The following PGM5 variants were observed in gnomAD, a reference collection of about 807,000 sequenced individuals.
PGM5 encodes phosphoglucomutase-like protein 5.
Under a neutral mutation model 59.2 loss-of-function variants are expected in PGM5, and 23 were observed. The observed-to-expected ratio is 0.39, with a 90% CI of 0.28 to 0.55. The LOEUF is 0.55. Among genes scored for constraint, PGM5 ranks in the 20% least tolerant of loss-of-function variants. The pLI is 0.66. For synonymous variants in PGM5, 214 were observed against 286.0 expected (o/e 0.75, Z 2.54); for missense variants, 574 against 748.3 (o/e 0.77, Z 2.72).
intron 10 of PGM5, among the ~76,000 whole-genome samples, chr9:68,527,088 G>A (rs909150056): frequency 5.9e-5 from 9 of 152,196 alleles, no homozygotes; most frequent in Admixed American, 2.0e-4. Flanking sequence ...GAAAGCACGC[G>A]TTAGTTTGTA....
At chr9:68,479,356 C>G in intron 7 of PGM5, 62 bp from the exon 8 acceptor site, 1 of 1,514,494 alleles carries the variant, frequency 6.6e-7, no homozygotes, top group Non-Finnish European at 8.9e-7. Flanking sequence ...CTTCTTAATT[C>G]ATTTAGCTTT....
intron 1 of PGM5, among the ~76,000 whole-genome samples, chr9:68,366,532 G>T (rs1834682312): frequency 2.0e-5 from 3 of 152,130 alleles, no homozygotes; most frequent in Non-Finnish European, 1.5e-5. Context: ...ATATAGCTTG[G>T]GTGGAGGGGG....
chr9:68,511,550 T>TTTTTA (rs1824750746), intron 10 of PGM5, among the ~76,000 whole-genome samples: 1 of 111,524 alleles, frequency 9.0e-6, no homozygotes, highest in African/African-American at 3.2e-5. Context: ...TTTGCCTTTT[T>TTTTTA]TTTTTTTTTT....
intron 6 of PGM5, among the ~76,000 whole-genome samples, chr9:68,424,477 G>T (rs938454751): frequency 6.6e-5 from 10 of 152,078 alleles, no homozygotes. Context: ...ATTCACAAGG[G>T]ATCTGCCCTT....
intron 6 of PGM5, among the ~76,000 whole-genome samples, chr9:68,446,698 C>T (rs530421405): frequency 1.3e-5 from 2 of 152,302 alleles, no homozygotes; most frequent in African/African-American, 4.8e-5. Context: ...GGTGGAGAAG[C>T]TCTGCATATA....
chr9:68,453,286 A>G (rs1186896648), intron 6 of PGM5, among the ~76,000 whole-genome samples: 1 of 152,214 alleles, frequency 6.6e-6, no homozygotes, highest in Admixed American at 6.5e-5. Flanking sequence ...AACCCTTTGT[A>G]TGTAATTCCT....
At chr9:68,528,219 G>A (rs571536449) in intron 10 of PGM5, among the ~76,000 whole-genome samples, 1 of 152,102 alleles carries the variant, frequency 6.6e-6, no homozygotes, top group South Asian at 2.1e-4. Context: ...ATATTAATAG[G>A]TGTCTTTATT....
chr9:68,362,649 T>C (rs1554676347), intron 1 of PGM5, among the ~76,000 whole-genome samples: 1 of 152,136 alleles, frequency 6.6e-6, no homozygotes, highest in African/African-American at 2.4e-5. Context: ...AGATCTTCTA[T>C]GTGTCAAATT....
intron 10 of PGM5, among the ~76,000 whole-genome samples, chr9:68,526,064 AAAAG>A (rs200574315): frequency 0.072 from 10,978 of 151,618 alleles, 1,320 homozygotes; most frequent in African/African-American, 0.25. Context: ...TCAAAAAAAA[AAAAG>A]AAAGAAAGAA....
intron 1 of PGM5, among the ~76,000 whole-genome samples, chr9:68,370,324 G>T (rs1177751740): frequency 6.6e-6 from 1 of 152,044 alleles, no homozygotes; most frequent in Admixed American, 6.6e-5. Context: ...ATCACAAAGG[G>T]TAAGTCTGAT....
intron 10 of PGM5, 53 bp downstream of exon 10, chr9:68,499,414 T>TA: frequency 6.3e-7 from 1 of 1,585,824 alleles, no homozygotes; most frequent in Non-Finnish European, 8.6e-7. Context: ...CTGGCAAATT[T>TA]AGAGAGCTCC....
chr9:68,409,989 G>T (rs1295989835), intron 6 of PGM5, among the ~76,000 whole-genome samples: 8 of 152,196 alleles, frequency 5.3e-5, no homozygotes, highest in Non-Finnish European at 1.0e-4. Flanking sequence ...CATCTAGAAG[G>T]GCTGGGATAG....
Position 68,429,657 on chromosome 9 carries a change from C to G in PGM5, c.1044-35436C>G, listed in dbSNP as rs11142362. 7.2e-3 allele frequency among the ~76,000 whole-genome samples: 1,097 copies of G among 152,308 alleles called. 3 individuals carry two copies. Among genetic ancestry groups the G allele is most frequent in the Non-Finnish European group, 0.011 (755 of 68,022 alleles). ...AGGGGGTGACAAATATCCCCCTCTG[C>G]AATTTTTCATTGATTCCTACCAATT... is the stretch of plus-strand genomic sequence containing the variant. On this transcript the variant is annotated intron_variant, in intron 6 of 10. Coordinates refer to ENST00000396396, the MANE Select transcript of PGM5 (RefSeq NM_021965.4).
intron 2 of PGM5, among the ~76,000 whole-genome samples, chr9:68,379,918 T>C (rs1326575184): frequency 2.0e-5 from 3 of 151,960 alleles, no homozygotes; most frequent in Admixed American, 6.6e-5. Context: ...ATTGTAAACA[T>C]ATATGCATCC....
In PGM5 at chr9:68,456,471, T is replaced by C. The variant is rs1823778820; in HGVS notation, c.1044-8622T>C. Among the ~76,000 whole-genome samples the C allele has an allele frequency of 5.5e-5, 8 of 144,752 alleles. No homozygotes were observed. In the South Asian group the frequency reaches 1.7e-3, roughly 31 times the overall value. 95.0% of individuals were successfully genotyped at this position (144,752 alleles called of 152,430 possible). Reference sequence around the variant, plus strand: ...GACTACAGGTGCCTGCCACCACGCCTGGCTAATTTTTTTTTTTTTTTGTAT... The same window carrying C: ...GACTACAGGTGCCTGCCACCACGCCCGGCTAATTTTTTTTTTTTTTTGTAT... On this transcript the variant is annotated intron_variant, in intron 6 of 10. Coordinates refer to ENST00000396396, the MANE Select transcript of PGM5 (RefSeq NM_021965.4).
At position 68,521,134 on chromosome 9, in the gene PGM5, C is replaced by T. The variant is rs1824894500; in HGVS notation, c.1615-8433C>T. ...GAGCTCAGCTTTGCCACTTGATTGCCATGTGACTGCACAAGTTATGTAATG... is the reference window on the plus strand; with the variant it reads ...GAGCTCAGCTTTGCCACTTGATTGCTATGTGACTGCACAAGTTATGTAATG... On this transcript the variant is annotated intron_variant, in intron 10 of 10. Coordinates refer to ENST00000396396, the MANE Select transcript of PGM5 (RefSeq NM_021965.4). 3.3e-5 allele frequency among the ~76,000 whole-genome samples: 5 copies of T among 152,286 alleles called. No homozygotes were observed. The South Asian group carries it at 6.2e-4, about 19-fold the overall frequency.
At chr9:68,471,160 G>C (rs1554686199) in intron 7 of PGM5, among the ~76,000 whole-genome samples, 4 of 152,140 alleles carry the variant, frequency 2.6e-5, no homozygotes, top group Non-Finnish European at 5.9e-5. Context: ...CAAAGGAATG[G>C]GGCTTCTGAA....
chr9:68,426,551 A>G (rs371080338), intron 6 of PGM5, among the ~76,000 whole-genome samples: 5 of 151,416 alleles, frequency 3.3e-5, no homozygotes, highest in Admixed American at 2.0e-4. Flanking sequence ...GTTGTTCCCT[A>G]TTATAATAGT....
chr9:68,456,618 C>CTTTTTT (rs1256922534), intron 6 of PGM5, among the ~76,000 whole-genome samples: 2 of 122,334 alleles, frequency 1.6e-5, no homozygotes, highest in East Asian at 2.3e-4. Context: ...GTGCCCTGTC[C>CTTTTTT]TTTTTTTTTT....
Sources: allele counts gnomAD v4.1 joint callset (sites outside exome capture counted in the v4.1 genomes callset), GRCh38; gene constraint gnomAD v4.1.1; transcripts MANE v1.5; gene names NCBI Gene and HGNC (gene_info 2026-07-23, HGNC 2026-07-21).